Variants in DNAH6 observed in about 807,000 individuals in gnomAD.
The protein encoded by DNAH6 is axonemal beta dynein heavy chain 6.
DNAH6 carries 340 observed loss-of-function variants against 491.4 expected under a neutral mutation model. The ratio of observed to expected loss-of-function variants is 0.69; its 90% CI spans 0.63 to 0.76. The LOEUF is 0.76. Among genes scored for constraint, DNAH6 ranks in the 30% least tolerant of loss-of-function variants. DNAH6 has a pLI of 0.00. For missense variants in DNAH6, 4,443 were observed against 4,972.2 expected, an observed-to-expected ratio of 0.89 and a Z score of 3.20; for synonymous variants, 1,603 against 1,686.1, an observed-to-expected ratio of 0.95 and a Z score of 1.21.
chr2:84,659,020 T>G lies in DNAH6; in HGVS notation c.5941-6T>G, dbSNP rs1691235137. On this transcript the variant is annotated splice_region_variant and splice_polypyrimidine_tract_variant and intron_variant, in intron 36 of 76. Coordinates refer to ENST00000389394, the MANE Select transcript of DNAH6 (RefSeq NM_001370.2). The stretch of plus-strand genomic sequence containing the variant: ...ATATTAAGTCTGTTTCTCTTTATTC[T>G]TTCAGGAACAAACAAAATTGAACAC... 1.4e-6 allele frequency: 2 copies of G among 1,391,882 alleles called. No homozygotes were observed. Among genetic ancestry groups the G allele is most frequent in the African/African-American group, 2.9e-5 (2 of 68,002 alleles). 86.2% of individuals were successfully genotyped at this position (1,391,882 alleles called of 1,614,324 possible).
At chr2:84,592,237 A>C (rs1684184614) in intron 16 of DNAH6, among the ~76,000 whole-genome samples, 1 of 152,146 alleles carries the variant, frequency 6.6e-6, no homozygotes, top group Admixed American at 6.5e-5. Context: ...AGGAACTCCT[A>C]CAACACAATA....
Position 84,634,637 on chromosome 2 carries a change from C to A in DNAH6, c.4649C>A (p.Ala1550Glu). ...QLITIRNAKA[A>E]KLSRFMFEGR... ...ATTACCATTAGGAACGCCAAAGCGG[C>A]AAAGGTAAGGCACTGGGCAATCGAC... Residue 1550 changes from alanine to glutamate, a missense_variant, in exon 30 of 77, where the codon GCA (alanine) becomes GAA (glutamate). Around this residue, in one of 3 missense-constraint regions of DNAH6, gnomAD observed 2,977 missense variants for 3,296.6 expected, o/e 0.90. Transcript: ENST00000389394. 1 of 1,533,560 alleles carries A rather than the reference C, an allele frequency of 6.5e-7. No homozygotes were observed. Among genetic ancestry groups the A allele is most frequent in the South Asian group, 1.2e-5 (1 of 80,622 alleles). 95.0% of individuals were successfully genotyped at this position (1,533,560 alleles called of 1,614,324 possible).
chr2:84,530,172 G>A (rs1677026118), intron 4 of DNAH6, among the ~76,000 whole-genome samples: 1 of 151,848 alleles, frequency 6.6e-6, no homozygotes, highest in Admixed American at 6.6e-5. Flanking sequence ...TGACATTTTA[G>A]CAGAGGATGG....
chr2:84,472,528 C>T, the DNAH6 span, among the ~76,000 whole-genome samples: 1 of 152,170 alleles, frequency 6.6e-6, no homozygotes, highest in African/African-American at 2.4e-5. Context: ...ATATGTGTTA[C>T]ATCCATCTGC....
chr2:84,523,973 A>G (rs1473859956), intron 2 of DNAH6, among the ~76,000 whole-genome samples: 1 of 152,040 alleles, frequency 6.6e-6, no homozygotes, highest in Admixed American at 6.6e-5. Flanking sequence ...CATTTGGTTC[A>G]ATGTTGAGTT....
intron 4 of DNAH6, among the ~76,000 whole-genome samples, chr2:84,535,696 A>C (rs947546280): frequency 1.3e-5 from 2 of 151,838 alleles, no homozygotes; most frequent in African/African-American, 4.8e-5. Context: ...AAAAAAAAAA[A>C]AATCAGTAAC....
intron 65 of DNAH6, among the ~76,000 whole-genome samples, chr2:84,782,574 C>G (rs1241049526): frequency 1.3e-5 from 2 of 152,192 alleles, no homozygotes; most frequent in Non-Finnish European, 2.9e-5. Flanking sequence ...CCCTTCACTT[C>G]CTGGCCCCCT....
chr2:84,525,145 T>A (rs1204184639), intron 2 of DNAH6, among the ~76,000 whole-genome samples: 2 of 151,960 alleles, frequency 1.3e-5, no homozygotes, highest in African/African-American at 4.8e-5. Flanking sequence ...TGCCACCTAT[T>A]TTTTTTAGAT....
intron 40 of DNAH6, 84 bp from the exon 41 acceptor site, chr2:84,676,921 G>T: frequency 6.8e-7 from 1 of 1,461,688 alleles, no homozygotes; most frequent in Admixed American, 2.2e-5. Flanking sequence ...TGCAATGCTG[G>T]CATTTGGGAA....
At chr2:84,547,219 TA>T in intron 5 of DNAH6, 48 bp from the exon 6 acceptor site, 1 of 1,427,530 alleles carries the variant, frequency 7.0e-7, no homozygotes, top group East Asian at 2.5e-5. Context: ...TCTATACTTT[TA>T]AAATACAGAA....
At chr2:84,620,922 C>T (rs1181687009) in intron 24 of DNAH6, among the ~76,000 whole-genome samples, 1 of 152,218 alleles carries the variant, frequency 6.6e-6, no homozygotes, top group Admixed American at 6.5e-5. Context: ...CAGATAGCAG[C>T]AAGTAGGAAA....
At chr2:84,697,454 T>G (rs1695499246) in intron 46 of DNAH6, 121 bp from the exon 47 acceptor site, 1 of 1,109,264 alleles carries the variant, frequency 9.0e-7, no homozygotes. Context: ...TCCATGAAAT[T>G]TTTAAGATTA....
At chr2:84,587,453 C>T (rs1445813909) in intron 15 of DNAH6, among the ~76,000 whole-genome samples, 4 of 152,148 alleles carry the variant, frequency 2.6e-5, no homozygotes, top group Non-Finnish European at 4.4e-5. Flanking sequence ...GCATGATGCA[C>T]TTACACAAAA....
chr2:84,700,216 C>T (rs1486447050), intron 48 of DNAH6, among the ~76,000 whole-genome samples: 1 of 152,130 alleles, frequency 6.6e-6, no homozygotes, highest in South Asian at 2.1e-4. Flanking sequence ...CCGAGTTAAG[C>T]GCTGTGGGAC....
chr2:84,763,085 ATAG>A, intron 64 of DNAH6, 140 bp downstream of exon 64: 1 of 659,302 alleles, frequency 1.5e-6, no homozygotes. Flanking sequence ...AGATATGTTA[ATAG>A]TTAGCTATTG....
At chr2:84,481,906 C>T in the DNAH6 span, among the ~76,000 whole-genome samples, 3 of 152,138 alleles carry the variant, frequency 2.0e-5, no homozygotes, top group East Asian at 5.8e-4. Flanking sequence ...GCACATCCAC[C>T]ATCCTCCCTT....
intron 4 of DNAH6, among the ~76,000 whole-genome samples, chr2:84,537,412 G>A (rs1677800948): frequency 4.6e-5 from 7 of 151,872 alleles, no homozygotes; most frequent in Non-Finnish European, 1.5e-5. Context: ...AGGCTTTTAG[G>A]CCAGAGTGGC....
chr2:84,528,176 C>G (rs899091664), intron 3 of DNAH6, among the ~76,000 whole-genome samples: 2 of 152,172 alleles, frequency 1.3e-5, no homozygotes, highest in Non-Finnish European at 1.5e-5. Context: ...CACAGTGGGA[C>G]TCAGCCTTGC....
intron 44 of DNAH6, among the ~76,000 whole-genome samples, chr2:84,687,637 G>A (rs1409779089): frequency 6.6e-6 from 1 of 151,778 alleles, no homozygotes; most frequent in African/African-American, 2.4e-5. Flanking sequence ...AATACACACA[G>A]AAAAAAAACA....
Sources: allele counts gnomAD v4.1 joint callset (sites outside exome capture counted in the v4.1 genomes callset), GRCh38; gene constraint gnomAD v4.1.1; regional missense constraint gnomAD v4.1.1; transcripts MANE v1.5; gene names NCBI Gene and HGNC (gene_info 2026-07-23, HGNC 2026-07-21).